Variants in FAM110B observed in about 807,000 individuals in gnomAD.
FAM110B encodes protein FAM110B.
FAM110B carries 6 observed loss-of-function variants against 20.4 expected under a neutral mutation model. That is an observed-to-expected ratio of 0.29 (90% CI 0.16 to 0.58). The LOEUF (loss-of-function observed/expected upper bound fraction) is 0.58, where lower values mean the gene tolerates loss of function less well. FAM110B is among the 20% of genes least tolerant of loss of function. The probability of loss-of-function intolerance (pLI) is 0.90; values close to 1 mark genes in which losing one functional copy is unlikely to be tolerated. For missense variants in FAM110B, 434 were observed against 498.2 expected, an observed-to-expected ratio of 0.87 and a Z score of 1.23; for synonymous variants, 226 against 214.1, an observed-to-expected ratio of 1.06 and a Z score of -0.49.
intron 2 of FAM110B, among the ~76,000 whole-genome samples, chr8:58,074,402 C>T (rs564981129): frequency 2.0e-5 from 3 of 152,272 alleles, no homozygotes; most frequent in East Asian, 1.9e-4. Flanking sequence ...TTGCACAGCG[C>T]GGAGAATGGC....
At chr8:58,088,383 T>C (rs907323074) in intron 3 of FAM110B, among the ~76,000 whole-genome samples, 8 of 152,208 alleles carry the variant, frequency 5.3e-5, no homozygotes, top group African/African-American at 1.9e-4. Context: ...ATATATCTAG[T>C]TTAAAACTCC....
chr8:58,068,614 T>C (rs1008593880), intron 2 of FAM110B, among the ~76,000 whole-genome samples: 1 of 148,474 alleles, frequency 6.7e-6, no homozygotes, highest in African/African-American at 2.5e-5. Flanking sequence ...AAAAAAAAAC[T>C]ACAGAAAAGG....
intron 3 of FAM110B, among the ~76,000 whole-genome samples, chr8:58,119,570 G>A (rs536138973): frequency 5.9e-5 from 9 of 152,296 alleles, no homozygotes; most frequent in Non-Finnish European, 7.4e-5. Context: ...ATAGTGGTGC[G>A]TAAATTTATC....
intron 3 of FAM110B, among the ~76,000 whole-genome samples, chr8:58,090,439 G>A (rs1295903287): frequency 2.6e-5 from 4 of 152,204 alleles, no homozygotes; most frequent in Admixed American, 6.5e-5. Context: ...GGGATTACAG[G>A]CATGAGCCAC....
intron 3 of FAM110B, among the ~76,000 whole-genome samples, chr8:58,108,918 G>A (rs548077799): frequency 5.9e-5 from 9 of 152,230 alleles, no homozygotes; most frequent in Admixed American, 5.2e-4. Context: ...TGCCCTTTAT[G>A]TACAAGGCAT....
intron 3 of FAM110B, among the ~76,000 whole-genome samples, chr8:58,083,960 G>A (rs1806267374): frequency 6.6e-6 from 1 of 152,182 alleles, no homozygotes; most frequent in Non-Finnish European, 1.5e-5. Flanking sequence ...GAAGCTCTGG[G>A]TACATAGGAG....
At chr8:58,126,555 C>G (rs1462941169) in intron 3 of FAM110B, among the ~76,000 whole-genome samples, 1 of 152,108 alleles carries the variant, frequency 6.6e-6, no homozygotes, top group Non-Finnish European at 1.5e-5. Context: ...TTCTTGCCAG[C>G]ATTTATTGGG....
intron 3 of FAM110B, among the ~76,000 whole-genome samples, chr8:58,124,030 C>T (rs1303364552): frequency 1.3e-5 from 2 of 152,176 alleles, no homozygotes; most frequent in African/African-American, 4.8e-5. Context: ...CTCTGCTAGC[C>T]TACTTTACCC....
chr8:58,062,854 C>A (rs1805686258), intron 2 of FAM110B, among the ~76,000 whole-genome samples: 1 of 152,200 alleles, frequency 6.6e-6, no homozygotes, highest in Non-Finnish European at 1.5e-5. Flanking sequence ...ATAAGAATAT[C>A]CTTACATAAA....
At chr8:58,034,000 C>A (rs909624444) in intron 2 of FAM110B, among the ~76,000 whole-genome samples, 4 of 152,148 alleles carry the variant, frequency 2.6e-5, no homozygotes, top group Non-Finnish European at 5.9e-5. Flanking sequence ...ACTGGATGCC[C>A]ACCAGTATAT....
At chr8:58,130,606 G>A (rs1364438469) in intron 3 of FAM110B, among the ~76,000 whole-genome samples, 1 of 152,170 alleles carries the variant, frequency 6.6e-6, no homozygotes, top group African/African-American at 2.4e-5. Flanking sequence ...ACAAAAACAG[G>A]GAATTGTGTC....
rs529588056 is a variant in FAM110B, at chr8:58,129,943, T to TA, written c.-324-15963dup. Among the ~76,000 whole-genome samples, 279 of 152,328 alleles carry TA rather than the reference T, an allele frequency of 1.8e-3. 1 individual carries two copies. Among genetic ancestry groups the TA allele is most frequent in the Middle Eastern group, 6.8e-3 (2 of 294 alleles). On this transcript the variant is annotated intron_variant, in intron 3 of 3. Coordinates refer to ENST00000519262, the MANE Select transcript of FAM110B (RefSeq NM_001377989.1). ...ATGATTTTTTTAATGCTTAAATTCT[T>TA]ATTACAGTTTATCTTTAAAATTCTG... is the stretch of plus-strand genomic sequence containing the variant.
intron 2 of FAM110B, among the ~76,000 whole-genome samples, chr8:58,049,478 A>G (rs1315170149): frequency 6.6e-6 from 1 of 151,974 alleles, no homozygotes; most frequent in East Asian, 1.9e-4. Flanking sequence ...ATTAGGTCAG[A>G]TGTTTCTCAT....
At chr8:58,062,044 A>T (rs1563355360) in intron 2 of FAM110B, among the ~76,000 whole-genome samples, 1 of 151,974 alleles carries the variant, frequency 6.6e-6, no homozygotes. Context: ...GACACGATAC[A>T]TTTTTTTTCT....
chr8:58,081,100 G>A (rs1806179135), intron 3 of FAM110B, among the ~76,000 whole-genome samples: 1 of 152,200 alleles, frequency 6.6e-6, no homozygotes, highest in South Asian at 2.1e-4. Flanking sequence ...CCTCAGCACA[G>A]CCCTCTTCAT....
intron 3 of FAM110B, among the ~76,000 whole-genome samples, chr8:58,084,988 T>C (rs1303671549): frequency 7.9e-5 from 12 of 151,998 alleles, no homozygotes; most frequent in Non-Finnish European, 1.3e-4. Flanking sequence ...GGTGTTAGAG[T>C]GGCTACACCG....
chr8:58,022,258 C>A (rs573974763), intron 1 of FAM110B, among the ~76,000 whole-genome samples: 25 of 152,310 alleles, frequency 1.6e-4, no homozygotes, highest in African/African-American at 4.8e-4. Flanking sequence ...GGGCATTATG[C>A]TAAGCAAAAT....
chr8:58,113,825 GT>G (rs1233581191), intron 3 of FAM110B, among the ~76,000 whole-genome samples: 1 of 152,192 alleles, frequency 6.6e-6, no homozygotes, highest in African/African-American at 2.4e-5. Flanking sequence ...CACTTCATAG[GT>G]TTTCATTTCT....
At chr8:58,140,799 G>A (rs1282820080) in intron 3 of FAM110B, among the ~76,000 whole-genome samples, 1 of 152,170 alleles carries the variant, frequency 6.6e-6, no homozygotes, top group East Asian at 1.9e-4. Flanking sequence ...CGCCTCCTGG[G>A]TCTTTATTGG....
Sources: gnomAD v4.1 joint callset for allele counts (sites outside exome capture counted in the v4.1 genomes callset) on GRCh38, gnomAD v4.1.1 for gene constraint, MANE v1.5 for transcripts, NCBI Gene and HGNC (gene_info 2026-07-23, HGNC 2026-07-21) for gene names.